ADAMTS20: variants seen among roughly 807,000 people sequenced by gnomAD.
ADAMTS20 encodes the protein ADAM metallopeptidase with thrombospondin type 1 motif 20, also known as A disintegrin and metalloproteinase with thrombospondin motifs 20.
Under a neutral mutation model 260.1 loss-of-function variants are expected in ADAMTS20, and 225 were observed. The observed-to-expected ratio is 0.87, with a 90% confidence interval of 0.78 to 0.97. ADAMTS20 has a LOEUF of 0.97. Ranked by LOEUF, ADAMTS20 falls within the 50% of genes least tolerant of loss-of-function variation. The pLI is 0.00. For missense variants in ADAMTS20, 2,400 were observed against 2,337.7 expected, an observed-to-expected ratio of 1.03 and a Z score of -0.55; for synonymous variants, 802 against 769.5, an observed-to-expected ratio of 1.04 and a Z score of -0.70.
rs559500718 is a variant in ADAMTS20 at position 43,516,939 on chromosome 12, A to G, written c.614-14534T>C. 2.2e-4 allele frequency among the ~76,000 whole-genome samples: 34 copies of G among 152,204 alleles called. 2 individuals are homozygous for G. In the South Asian group the frequency reaches 7.0e-3, roughly 32 times the overall value. On this transcript the variant is annotated intron_variant, in intron 3 of 38. Transcript: ENST00000389420. ...TCACATTCATCACATTAACTTAATA[A>G]AAGGAAATATGTATATTTATATATC...
Position 43,428,660 on chromosome 12 carries a change from T to C in ADAMTS20, c.3629A>G (p.Glu1210Gly). The change falls in exon 25 of 39, where the codon GAG (glutamate) becomes GGG (glycine). Residue 1210 changes from glutamate to glycine, a missense_variant. Transcript: ENST00000389420. The part of the protein sequence containing the change: ...EIWDCFTPCG[E>G]WQAGDWSPCS... ...GGGTGACCAATCCCCTGCTTGCCAC[T>C]CTCCACAAGGGGTAAAACAGTCCCA... 1 of 1,595,664 alleles carries C rather than the reference T, an allele frequency of 6.3e-7. No individual in the cohort carries two copies. The highest frequency in any genetic ancestry group is 1.1e-5 in the South Asian group (1 of 87,058).
chr12:43,493,129 TTAC>T, intron 5 of ADAMTS20, 38 bp downstream of exon 5: 2 of 1,356,432 alleles, frequency 1.5e-6, no homozygotes, highest in East Asian at 2.5e-5. Flanking sequence ...CACTAAAAAC[TTAC>T]TACAACTAAG....
At chr12:43,379,865 C>T (rs924531176) in intron 31 of ADAMTS20, among the ~76,000 whole-genome samples, 1 of 152,030 alleles carries the variant, frequency 6.6e-6, no homozygotes, top group Non-Finnish European at 1.5e-5. Context: ...AAGCCCAGGA[C>T]CAAATGCTTA....
intron 2 of ADAMTS20, among the ~76,000 whole-genome samples, chr12:43,539,081 T>C (rs1265415093): frequency 1.3e-5 from 2 of 151,710 alleles, no homozygotes; most frequent in African/African-American, 4.9e-5. Context: ...GCCTCCCAAG[T>C]AGCTGGGATT....
intron 3 of ADAMTS20, among the ~76,000 whole-genome samples, chr12:43,527,321 G>T (rs1480793702): frequency 6.6e-6 from 1 of 152,014 alleles, no homozygotes; most frequent in Non-Finnish European, 1.5e-5. Context: ...GAGAAACAGG[G>T]AATCCTCCAT....
intron 3 of ADAMTS20, among the ~76,000 whole-genome samples, chr12:43,506,540 C>T (rs10880513): frequency 0.35 from 52,629 of 150,920 alleles, 9,741 homozygotes; most frequent in East Asian, 0.75. Context: ...AGTGCAGTGG[C>T]GCGATCTCGG....
rs528557230 is a variant in ADAMTS20 at position 43,536,348 on chromosome 12, T to C, written c.454-4153A>G. ...TTGATAAACTCTATGAACTAGTCAA[T>C]AAATATTTAATGGGCACCTACTATG... On this transcript the variant is annotated intron_variant, in intron 2 of 38. Coordinates refer to ENST00000389420, the MANE Select transcript of ADAMTS20 (RefSeq NM_025003.5). Among the ~76,000 whole-genome samples, 146 of 152,234 alleles carry C rather than the reference T, an allele frequency of 9.6e-4. 1 individual carries two copies. The highest frequency in any genetic ancestry group is 3.4e-3 in the African/African-American group (142 of 41,544).
intron 28 of ADAMTS20, among the ~76,000 whole-genome samples, chr12:43,413,066 C>T (rs1348968518): frequency 6.6e-6 from 1 of 152,064 alleles, no homozygotes; most frequent in Non-Finnish European, 1.5e-5. Flanking sequence ...GCCTTGGCCT[C>T]CCAAAGTGCC....
intron 3 of ADAMTS20, among the ~76,000 whole-genome samples, chr12:43,524,684 A>C (rs1943117652): frequency 6.6e-6 from 1 of 152,222 alleles, no homozygotes; most frequent in Admixed American, 6.5e-5. Flanking sequence ...AACTTCTAGA[A>C]ATGAAAGATA....
In ADAMTS20 at chr12:43,536,022, C is replaced by A. The variant is rs1484383896; in HGVS notation, c.454-3827G>T. ...GTGAGGCTAAGTCATCCAAGGGAGG[C>A]ATTTATAATATTAATAGCTAATACC... On this transcript the variant is annotated intron_variant, in intron 2 of 38. Coordinates refer to ENST00000389420, the MANE Select transcript of ADAMTS20 (RefSeq NM_025003.5). Among the ~76,000 whole-genome samples the A allele has an allele frequency of 2.6e-5, 4 of 151,942 alleles. No individual in the cohort carries two copies. The South Asian group carries it at 8.3e-4, about 31-fold the overall frequency.
chr12:43,547,979 C>T (rs1225120287), intron 2 of ADAMTS20, among the ~76,000 whole-genome samples: 3 of 152,136 alleles, frequency 2.0e-5, no homozygotes, highest in African/African-American at 7.2e-5. Flanking sequence ...CACCCCTCTC[C>T]CAAACAATAC....
At chr12:43,412,311 C>G (rs1941046838) in intron 28 of ADAMTS20, among the ~76,000 whole-genome samples, 1 of 152,184 alleles carries the variant, frequency 6.6e-6, no homozygotes, top group African/African-American at 2.4e-5. Context: ...AGAGAAAATT[C>G]AGTTGCTTGA....
At chr12:43,410,883 G>T (rs1355157466) in intron 28 of ADAMTS20, among the ~76,000 whole-genome samples, 1 of 152,094 alleles carries the variant, frequency 6.6e-6, no homozygotes, top group African/African-American at 2.4e-5. Context: ...ATTATGTATG[G>T]CCTCCAACTT....
At position 43,428,795 on chromosome 12, in the gene ADAMTS20, G is replaced by A. The variant is rs1214553942; in HGVS notation, c.3494C>T (p.Ser1165Phe). The stretch of plus-strand genomic sequence containing the variant: ...TTGAGTACCTCTTCCACAAGATACG[G>A]AGCACTTTTTAAGAAATCAAATTGT... ...QWRHGSWTPC[S>F]VSCGRGTQAR... The change falls in exon 25 of 39, where the codon TCC (serine) becomes TTC (phenylalanine). Residue 1165 changes from serine to phenylalanine, a missense_variant. By Grantham distance (155) the Ser-to-Phe change is radical. Transcript: ENST00000389420. The A allele has an allele frequency of 1.9e-6, 3 of 1,602,054 alleles. No individual in the cohort carries two copies. Among genetic ancestry groups the A allele is most frequent in the Non-Finnish European group, 2.6e-6 (3 of 1,172,738 alleles).
At chr12:43,387,446 C>A (rs536401330) in intron 29 of ADAMTS20, among the ~76,000 whole-genome samples, 1 of 152,278 alleles carries the variant, frequency 6.6e-6, no homozygotes, top group East Asian at 1.9e-4. Flanking sequence ...GGAGGTGTCT[C>A]CCAGTCAGGA....
At chr12:43,501,055 C>CTTTTTTTTTTTTTTTTTTTT (rs79075751) in intron 4 of ADAMTS20, among the ~76,000 whole-genome samples, 4 of 104,882 alleles carry the variant, frequency 3.8e-5, no homozygotes, top group Admixed American at 1.3e-4. Context: ...CTATGTAATT[C>CTTTTTTTTTTTTTTTTTTTT]TTTTTTTTTT....
chr12:43,453,900 G>A lies in ADAMTS20; in HGVS notation c.1760+7C>T, dbSNP rs1941914964. The A allele has an allele frequency of 1.3e-6, 2 of 1,586,910 alleles. No individual in the cohort carries two copies. The highest frequency in any genetic ancestry group is 4.5e-5 in the East Asian group (2 of 44,076). ...TCTTAATTTATAGTGACATAAAAAA[G>A]ACATACTCAGGACGATTACAGCGCC... On this transcript the variant is annotated splice_region_variant and intron_variant, in intron 12 of 38. Transcript: ENST00000389420.
chr12:43,429,496 T>C (rs1386651149), intron 24 of ADAMTS20, 121 bp downstream of exon 24: 1 of 691,998 alleles, frequency 1.4e-6, no homozygotes, highest in African/African-American at 1.8e-5. Flanking sequence ...CTATACTTCT[T>C]TGATGCCATC....
Position 43,375,487 on chromosome 12 carries a change from A to G in ADAMTS20, c.5338T>C (p.Phe1780Leu). ...CAGTCTTCCCTTCTACTCCCATTAAAAGGACATTGATATGGATTTTTTAGT... is the reference window on the plus strand; with the variant it reads ...CAGTCTTCCCTTCTACTCCCATTAAGAGGACATTGATATGGATTTTTTAGT... ...FRLKNPYQCP[F>L]NGSRREDCEC... Residue 1780 changes from phenylalanine to leucine, a missense_variant, in exon 36 of 39, where the codon TTT becomes CTT. Physicochemically the swap from Phe to Leu is conservative, Grantham distance 22. Transcript: ENST00000389420. 6.2e-7 allele frequency: 1 copy of G among 1,613,428 alleles called. No individual in the cohort carries two copies. The highest frequency in any genetic ancestry group is 1.3e-5 in the African/African-American group (1 of 75,044).
Sources: allele counts gnomAD v4.1 joint callset (sites outside exome capture counted in the v4.1 genomes callset), GRCh38; gene constraint gnomAD v4.1.1; transcripts MANE v1.5; gene names NCBI Gene and HGNC (gene_info 2026-07-23, HGNC 2026-07-21).